Variants in CAMTA1 observed in about 807,000 individuals in gnomAD.
CAMTA1 encodes calmodulin-binding transcription activator 1.
Under a neutral mutation model 170.9 loss-of-function variants are expected in CAMTA1, and 27 were observed. That is an observed-to-expected ratio of 0.16 (90% CI 0.12 to 0.22). The LOEUF (loss-of-function observed/expected upper bound fraction) is 0.22, where lower values mean the gene tolerates loss of function less well. CAMTA1 is among the 10% of genes least tolerant of loss of function. The pLI, the probability that CAMTA1 is intolerant of heterozygous loss-of-function variation, is 1.00. For synonymous variants in CAMTA1, 833 were observed against 891.5 expected (o/e 0.93, Z 1.17); for missense variants, 1,619 against 2,217.2 (o/e 0.73, Z 5.42).
chr1:6,833,747 A>C (rs915726601), intron 3 of CAMTA1, among the ~76,000 whole-genome samples: 2 of 152,240 alleles, frequency 1.3e-5, no homozygotes, highest in Admixed American at 1.3e-4. Context: ...GGGGAAACGT[A>C]ACCACAAATC....
chr1:7,574,165 G>C (rs946737315), intron 6 of CAMTA1, among the ~76,000 whole-genome samples: 17 of 152,350 alleles, frequency 1.1e-4, no homozygotes, highest in African/African-American at 4.1e-4. Context: ...GGCAGCATGT[G>C]GGCCGTGCAG....
chr1:7,420,475 C>T (rs921143543), intron 5 of CAMTA1, among the ~76,000 whole-genome samples: 67 of 152,142 alleles, frequency 4.4e-4, no homozygotes, highest in Non-Finnish European at 9.1e-4. Context: ...ACCACAGCAC[C>T]AGGCCCTGGT....
intron 5 of CAMTA1, among the ~76,000 whole-genome samples, chr1:7,430,276 TGAC>T: frequency 6.7e-6 from 1 of 148,392 alleles, no homozygotes; most frequent in East Asian, 2.0e-4. Context: ...GGGATGATGA[TGAC>T]GAGGATGATG....
intron 4 of CAMTA1, among the ~76,000 whole-genome samples, chr1:7,217,735 T>C (rs1380990804): frequency 6.6e-6 from 1 of 152,190 alleles, no homozygotes; most frequent in African/African-American, 2.4e-5. Flanking sequence ...GTCTTTCAGT[T>C]GTTAATGGAG....
chr1:7,527,709 A>G (rs576103606), intron 6 of CAMTA1, among the ~76,000 whole-genome samples: 9 of 152,278 alleles, frequency 5.9e-5, no homozygotes, highest in Admixed American at 1.3e-4. Flanking sequence ...AGCTGCCTCG[A>G]CCCGGAGATA....
At chr1:6,941,837 A>T (rs557716038) in intron 3 of CAMTA1, among the ~76,000 whole-genome samples, 1 of 152,342 alleles carries the variant, frequency 6.6e-6, no homozygotes, top group East Asian at 1.9e-4. Context: ...CTAGAAGCCC[A>T]TGTGTCCACT....
At chr1:7,145,247 G>T (rs561850464) in intron 4 of CAMTA1, among the ~76,000 whole-genome samples, 1 of 152,170 alleles carries the variant, frequency 6.6e-6, no homozygotes, top group Non-Finnish European at 1.5e-5. Flanking sequence ...TTTCCGCACC[G>T]CTCCTCTGCG....
chr1:6,932,936 A>C (rs1473485795), intron 3 of CAMTA1, among the ~76,000 whole-genome samples: 1 of 151,962 alleles, frequency 6.6e-6, no homozygotes, highest in Non-Finnish European at 1.5e-5. Flanking sequence ...CCAGTCTGTG[A>C]TTTGTCTTTT....
At chr1:7,577,557 C>A (rs2095211826) in intron 6 of CAMTA1, among the ~76,000 whole-genome samples, 1 of 151,864 alleles carries the variant, frequency 6.6e-6, no homozygotes, top group Non-Finnish European at 1.5e-5. Context: ...GATGCCCCTA[C>A]AACCCTTTTT....
chr1:7,428,149 C>T (rs764856277), intron 5 of CAMTA1, among the ~76,000 whole-genome samples: 18 of 152,024 alleles, frequency 1.2e-4, no homozygotes, highest in Non-Finnish European at 1.9e-4. Flanking sequence ...AGGAAGTCCA[C>T]GGGCAACCAT....
chr1:7,427,218 G>A lies in CAMTA1; in HGVS notation c.439-40612G>A, dbSNP rs542109246. 2.7e-3 allele frequency among the ~76,000 whole-genome samples: 418 copies of A among 152,272 alleles called. 1 individual carries two copies. The highest frequency in any genetic ancestry group is 5.1e-3 in the Non-Finnish European group (346 of 68,034). ...CTGCGATGACATCAACCTTTTGACC[G>A]CTTCCTAAGTGGCCCACAAATGTCA... On this transcript the variant is annotated intron_variant, in intron 5 of 22. Transcript: ENST00000303635.
At chr1:7,238,382 C>T (rs1348826463) in intron 4 of CAMTA1, among the ~76,000 whole-genome samples, 1 of 152,140 alleles carries the variant, frequency 6.6e-6, no homozygotes, top group African/African-American at 2.4e-5. Context: ...ACTCAGTGTA[C>T]TCAACTCTAA....
At chr1:7,331,065 C>G (rs1170088531) in intron 5 of CAMTA1, among the ~76,000 whole-genome samples, 1 of 152,126 alleles carries the variant, frequency 6.6e-6, no homozygotes, top group Non-Finnish European at 1.5e-5. Flanking sequence ...CATGGCAAAA[C>G]CCCGTCTCTA....
rs745714721 is a variant in CAMTA1 at position 7,655,027 on chromosome 1, CAA to C, written c.665-6697_665-6696del. Among the ~76,000 whole-genome samples, 249 of 147,948 alleles carry C rather than the reference CAA, an allele frequency of 1.7e-3. 1 individual carries two copies. Among genetic ancestry groups the C allele is most frequent in the South Asian group, 5.5e-3 (25 of 4,512 alleles). ...ACCTATACACACACCCCTATATACA[CAA>C]ACACACCCACCTATACACACACCTA... On this transcript the variant is annotated intron_variant, in intron 7 of 22. Coordinates refer to ENST00000303635, the MANE Select transcript of CAMTA1 (RefSeq NM_015215.4).
intron 3 of CAMTA1, among the ~76,000 whole-genome samples, chr1:7,061,963 G>C (rs1708282562): frequency 6.6e-6 from 1 of 152,102 alleles, no homozygotes; most frequent in South Asian, 2.1e-4. Context: ...TTTCATCCAG[G>C]CTGGAGTGAA....
chr1:6,826,582 C>A (rs534310554), intron 3 of CAMTA1, among the ~76,000 whole-genome samples: 2 of 152,264 alleles, frequency 1.3e-5, no homozygotes, highest in South Asian at 4.1e-4. Flanking sequence ...TTAGTATTCC[C>A]TGAAACGTAG....
chr1:6,940,804 C>G (rs1008353234), intron 3 of CAMTA1, among the ~76,000 whole-genome samples: 2 of 119,162 alleles, frequency 1.7e-5, no homozygotes, highest in African/African-American at 6.4e-5. Context: ...CAGCCCCCTT[C>G]CTCACCGACA....
chr1:7,159,859 A>C (rs1647103011), intron 4 of CAMTA1, among the ~76,000 whole-genome samples: 2 of 152,170 alleles, frequency 1.3e-5, no homozygotes, highest in Non-Finnish European at 2.9e-5. Context: ...TTCTGGACAA[A>C]TGTAGAGGAT....
At chr1:7,590,425 AC>A (rs938038970) in intron 6 of CAMTA1, among the ~76,000 whole-genome samples, 8 of 152,236 alleles carry the variant, frequency 5.3e-5, no homozygotes, top group Non-Finnish European at 1.0e-4. Context: ...TCTACCCACC[AC>A]AATATAACCA....
Sources: gnomAD v4.1 joint callset for allele counts (sites outside exome capture counted in the v4.1 genomes callset) on GRCh38, gnomAD v4.1.1 for gene constraint, MANE v1.5 for transcripts, NCBI Gene and HGNC (gene_info 2026-07-23, HGNC 2026-07-21) for gene names.